STARD13: variants seen among roughly 807,000 people sequenced by gnomAD.
STARD13 encodes stAR-related lipid transfer protein 13.
Under a neutral mutation model 106.4 loss-of-function variants are expected in STARD13, and 62 were observed. That is an observed-to-expected ratio of 0.58 (90% CI 0.48 to 0.72). STARD13 has a LOEUF of 0.72. Among genes scored for constraint, STARD13 ranks in the 30% least tolerant of loss-of-function variants. The pLI, the probability that STARD13 is intolerant of heterozygous loss-of-function variation, is 0.00. For synonymous variants in STARD13, 565 were observed against 553.0 expected, an observed-to-expected ratio of 1.02 and a Z score of -0.31; for missense variants, 1,387 against 1,424.0, an observed-to-expected ratio of 0.97 and a Z score of 0.42.
intron 1 of STARD13, among the ~76,000 whole-genome samples, chr13:33,261,482 C>T (rs1048644060): frequency 6.6e-6 from 1 of 152,198 alleles, no homozygotes; most frequent in Non-Finnish European, 1.5e-5. Flanking sequence ...TTTATAGAAA[C>T]TATTTCACGG....
chr13:33,340,497 T>C (rs1180297123), intron 1 of STARD13, among the ~76,000 whole-genome samples: 1 of 152,224 alleles, frequency 6.6e-6, no homozygotes, highest in African/African-American at 2.4e-5. Flanking sequence ...ATAAGAAGCA[T>C]AAGACCTTCC....
the STARD13 span, among the ~76,000 whole-genome samples, chr13:33,430,068 C>G: frequency 6.6e-6 from 1 of 152,046 alleles, no homozygotes; most frequent in Non-Finnish European, 1.5e-5. Flanking sequence ...CAGGCGCCCG[C>G]CACCACGCCT....
chr13:33,258,448 T>G (rs1376494465), intron 1 of STARD13, among the ~76,000 whole-genome samples: 2 of 151,674 alleles, frequency 1.3e-5, no homozygotes, highest in East Asian at 3.9e-4. Flanking sequence ...CAAGACACCA[T>G]GCAATCGTCA....
the STARD13 span, among the ~76,000 whole-genome samples, chr13:33,666,441 A>T: frequency 6.6e-6 from 1 of 150,490 alleles, no homozygotes; most frequent in South Asian, 2.1e-4. Context: ...CTGCAGGCAC[A>T]TGCCACCATG....
chr13:33,673,730 A>T, the STARD13 span, among the ~76,000 whole-genome samples: 1 of 151,600 alleles, frequency 6.6e-6, no homozygotes, highest in South Asian at 2.1e-4. Context: ...TTTAGTAGAG[A>T]CAGGGTTTTG....
chr13:33,237,308 T>C (rs1430379282), intron 1 of STARD13, among the ~76,000 whole-genome samples: 1 of 152,354 alleles, frequency 6.6e-6, no homozygotes, highest in Admixed American at 6.5e-5. Context: ...AATCCCTGTT[T>C]TTCCTTGGCC....
chr13:33,327,253 A>G (rs188783554), intron 1 of STARD13, among the ~76,000 whole-genome samples: 159 of 152,340 alleles, frequency 1.0e-3, no homozygotes, highest in Middle Eastern at 0.01. Flanking sequence ...CTCTTGAGAG[A>G]CGATATTCAT....
chr13:33,626,420 G>C, the STARD13 span, among the ~76,000 whole-genome samples: 5 of 152,214 alleles, frequency 3.3e-5, no homozygotes, highest in South Asian at 1.0e-3. Context: ...TCAAATGCAT[G>C]GGCTGAACCT....
chr13:33,436,966 T>C, the STARD13 span, among the ~76,000 whole-genome samples: 1 of 152,276 alleles, frequency 6.6e-6, no homozygotes, highest in South Asian at 2.1e-4. Context: ...CCTTCCATCT[T>C]TGTATATGGA....
At chr13:33,219,878 T>G (rs1888261030) in intron 1 of STARD13, among the ~76,000 whole-genome samples, 1 of 150,996 alleles carries the variant, frequency 6.6e-6, no homozygotes, top group Non-Finnish European at 1.5e-5. Context: ...AATAGACAAC[T>G]GCAGATTCCA....
At chr13:33,110,576 CG>C (rs1874387502) in intron 11 of STARD13, 109 bp downstream of exon 11, 1 of 873,554 alleles carries the variant, frequency 1.1e-6, no homozygotes, top group East Asian at 2.4e-5. Flanking sequence ...TAACTGTCCG[CG>C]TGTGTGCCAA....
the STARD13 span, among the ~76,000 whole-genome samples, chr13:33,567,700 G>A: frequency 2.7e-5 from 4 of 148,090 alleles, no homozygotes; most frequent in Non-Finnish European, 6.0e-5. Flanking sequence ...TCATCTAGTA[G>A]TTAAATTCAT....
the STARD13 span, among the ~76,000 whole-genome samples, chr13:33,499,757 CTTTCTTTTTTTTTT>C: frequency 7.9e-6 from 1 of 125,994 alleles, no homozygotes; most frequent in Non-Finnish European, 1.6e-5. Context: ...TCTTCTTCTT[CTTTCTTTTTTTTTT>C]TTTTTTTTTT....
chr13:33,459,274 C>T, the STARD13 span, among the ~76,000 whole-genome samples: 3 of 152,110 alleles, frequency 2.0e-5, no homozygotes, highest in African/African-American at 7.2e-5. Flanking sequence ...CCTCCAGCAC[C>T]CAAGTGACTA....
the STARD13 span, among the ~76,000 whole-genome samples, chr13:33,530,523 T>C: frequency 1.3e-5 from 2 of 152,246 alleles, no homozygotes; most frequent in African/African-American, 4.8e-5. Flanking sequence ...AGTTTATCTG[T>C]TGAAAAATCC....
intron 7 of STARD13, among the ~76,000 whole-genome samples, chr13:33,124,795 T>C (rs1370340486): frequency 1.3e-5 from 2 of 152,236 alleles, no homozygotes; most frequent in African/African-American, 4.8e-5. Context: ...AGTCAATTCA[T>C]GCTGGGGCAT....
At chr13:33,539,060 C>T in the STARD13 span, among the ~76,000 whole-genome samples, 1 of 152,140 alleles carries the variant, frequency 6.6e-6, no homozygotes, top group Non-Finnish European at 1.5e-5. Flanking sequence ...TGAGCCACTG[C>T]GCCCGGCCTT....
Position 33,109,855 on chromosome 13 carries a change from C to A in STARD13, c.3047+18G>T. The A allele has an allele frequency of 6.2e-7, 1 of 1,613,164 alleles. No homozygotes were observed. Among genetic ancestry groups the A allele is most frequent in the Non-Finnish European group, 8.5e-7 (1 of 1,179,054 alleles). On this transcript the variant is annotated intron_variant, in intron 12 of 13. Transcript: ENST00000336934. ...TGCCTTTGGAACAGAACATCATAAA[C>A]CCTAGAGTCAGGCTCACCTGAGAAC...
At chr13:33,155,550 A>T (rs977003861) in intron 3 of STARD13, 2 of 152,176 alleles carry the variant, frequency 1.3e-5, no homozygotes, top group Non-Finnish European at 2.9e-5. Context: ...CTCCTCCCTG[A>T]TTTTGTATCT....
Sources: gnomAD v4.1 joint callset for allele counts (sites outside exome capture counted in the v4.1 genomes callset) on GRCh38, gnomAD v4.1.1 for gene constraint, MANE v1.5 for transcripts, NCBI Gene and HGNC (gene_info 2026-07-23, HGNC 2026-07-21) for gene names.